Variants in PRKCZ observed in about 807,000 individuals in gnomAD.
The protein encoded by PRKCZ is protein kinase C zeta type.
In PRKCZ, 33 loss-of-function variants were observed where a neutral mutation model predicts 79.5. That is an observed-to-expected ratio of 0.41 (90% CI 0.31 to 0.55). The LOEUF (loss-of-function observed/expected upper bound fraction) is 0.55, where lower values mean the gene tolerates loss of function less well. Among genes scored for constraint, PRKCZ ranks in the 20% least tolerant of loss-of-function variants. The pLI is 0.19. For missense variants in PRKCZ, 578 were observed against 813.5 expected (o/e 0.71, Z 3.52); for synonymous variants, 342 against 320.9 (o/e 1.07, Z -0.70).
rs1676561295 is a variant in PRKCZ, at chr1:2,137,982, T to C, written c.420+2635T>C. On this transcript the variant is annotated intron_variant, in intron 5 of 17. Transcript: ENST00000378567. ...CTCAGGGAGGGCGGCTGCCCTGCAG[T>C]TCAGCCTGTCCGATTCCCGCCTAAT... Among the ~76,000 whole-genome samples, 4 of 152,180 alleles carry C rather than the reference T, an allele frequency of 2.6e-5. No individual in the cohort carries two copies. In the South Asian group the frequency reaches 8.3e-4, roughly 31 times the overall value.
intron 4 of PRKCZ, among the ~76,000 whole-genome samples, chr1:2,116,774 C>A (rs114722764): frequency 2.0e-5 from 3 of 152,136 alleles, no homozygotes; most frequent in African/African-American, 7.2e-5. Flanking sequence ...TTTACATTTC[C>A]ATACACATGG....
intron 4 of PRKCZ, among the ~76,000 whole-genome samples, chr1:2,106,265 G>C (rs2102642433): frequency 6.6e-6 from 1 of 152,384 alleles, no homozygotes; most frequent in African/African-American, 2.4e-5. Flanking sequence ...GAACTGAGCG[G>C]CTTGGTACTT....
rs190953177 is a variant in PRKCZ, at chr1:2,114,016, G to A, written c.335-21246G>A. Among the ~76,000 whole-genome samples the A allele has an allele frequency of 3.4e-4, 52 of 152,262 alleles. 1 individual carries two copies. The highest frequency in any genetic ancestry group is 6.8e-3 in the Middle Eastern group (2 of 294). On this transcript the variant is annotated intron_variant, in intron 4 of 17. Transcript: ENST00000378567. ...GGGCTGGCTCTGGGGGAGGGAGAGC[G>A]GGCGCCATGTTGTGTGTGTGGTGCG...
At chr1:2,153,861 C>T (rs1283172799) in intron 9 of PRKCZ, among the ~76,000 whole-genome samples, 1 of 152,168 alleles carries the variant, frequency 6.6e-6, no homozygotes, top group African/African-American at 2.4e-5. Context: ...TTGTTGAATG[C>T]TTGGATGGTT....
upstream of PRKCZ, among the ~76,000 whole-genome samples, chr1:2,049,029 G>A (rs902057106): frequency 5.9e-5 from 9 of 152,172 alleles, no homozygotes; most frequent in Admixed American, 2.6e-4. Context: ...AGCTGGGCAT[G>A]GTGGTGGACA....
At position 2,128,827 on chromosome 1, in the gene PRKCZ, CTT is replaced by C. The variant is rs543204547; in HGVS notation, c.335-6433_335-6432del. On this transcript the variant is annotated intron_variant, in intron 4 of 17. Coordinates refer to ENST00000378567, the MANE Select transcript of PRKCZ (RefSeq NM_002744.6). The surrounding 1 kb of genome is among the most constrained non-coding windows in gnomAD (Gnocchi z 6.5). ...GGACCTCCTGCTAACCTGGGCTTGA[CTT>C]TGAGACCCTGTTCCACAGAGGTAGC... Among the ~76,000 whole-genome samples the C allele has an allele frequency of 3.7e-4, 56 of 152,302 alleles. No homozygotes were observed. The highest frequency in any genetic ancestry group is 1.7e-3 in the East Asian group (9 of 5,180).
chr1:2,061,958 G>A (rs935508213), intron 4 of PRKCZ, among the ~76,000 whole-genome samples: 1 of 152,180 alleles, frequency 6.6e-6, no homozygotes, highest in Non-Finnish European at 1.5e-5. Flanking sequence ...AGGCAGCACT[G>A]CCCAGGCTGA....
chr1:2,180,614 C>T (rs1256738564), intron 16 of PRKCZ, among the ~76,000 whole-genome samples: 1 of 151,864 alleles, frequency 6.6e-6, no homozygotes, highest in Admixed American at 6.6e-5. Context: ...ACGGATGACT[C>T]AGATCCCCAG....
chr1:2,100,323 C>T (rs569990152), intron 4 of PRKCZ, among the ~76,000 whole-genome samples: 5 of 152,244 alleles, frequency 3.3e-5, no homozygotes, highest in South Asian at 2.1e-4. Flanking sequence ...GCGTCTTCAC[C>T]GCCTGGCTAA....
At chr1:2,049,938 G>A (rs540679259), upstream of PRKCZ, 1 of 152,478 alleles carries the variant, frequency 6.6e-6, no homozygotes, top group African/African-American at 2.4e-5. Flanking sequence ...GGGGCCCAGA[G>A]AACCCGAGTC....
At chr1:2,164,149 TATTC>T (rs1682876540) in intron 10 of PRKCZ, among the ~76,000 whole-genome samples, 1 of 152,218 alleles carries the variant, frequency 6.6e-6, no homozygotes. Flanking sequence ...TTTTGGTTGA[TATTC>T]ATATTGTTTT....
Position 2,178,606 on chromosome 1 carries a change from C to T in PRKCZ, c.1575+3293C>T, listed in dbSNP as rs1164970450. Reference sequence around the variant, plus strand: ...CGTGCTCAGGGCGCAGTTGCAGGTCCGGTGGTCTCAGTCTAGCCTTTCAGG... The same window carrying T: ...CGTGCTCAGGGCGCAGTTGCAGGTCTGGTGGTCTCAGTCTAGCCTTTCAGG... On this transcript the variant is annotated intron_variant, in intron 16 of 17. Transcript: ENST00000378567. The surrounding 1 kb of genome is among the most constrained non-coding windows in gnomAD (Gnocchi z 4.3). Among the ~76,000 whole-genome samples, 4 of 152,164 alleles carry T rather than the reference C, an allele frequency of 2.6e-5. No homozygotes were observed. Among genetic ancestry groups the T allele is most frequent in the Non-Finnish European group, 5.9e-5 (4 of 68,018 alleles).
intron 4 of PRKCZ, among the ~76,000 whole-genome samples, chr1:2,119,267 T>G (rs1396963363): frequency 6.8e-6 from 1 of 146,300 alleles, no homozygotes; most frequent in African/African-American, 2.5e-5. Context: ...CAGGCTAGAG[T>G]GCAAGGGCGC....
In PRKCZ at chr1:2,110,292, G is replaced by A. The variant is rs550902897; in HGVS notation, c.335-24970G>A. 2.6e-5 allele frequency among the ~76,000 whole-genome samples: 4 copies of A among 152,326 alleles called. No homozygotes were observed. In the East Asian group the frequency reaches 7.7e-4, roughly 29 times the overall value. On this transcript the variant is annotated intron_variant, in intron 4 of 17. Transcript: ENST00000378567. ...GGATCCCAGAGGTGAGAAACAGAACGGCCAGGGCTGAATCTGCCTCCAGCG... is the reference window on the plus strand; with the variant it reads ...GGATCCCAGAGGTGAGAAACAGAACAGCCAGGGCTGAATCTGCCTCCAGCG...
intron 4 of PRKCZ, among the ~76,000 whole-genome samples, chr1:2,097,709 C>T (rs1666763894): frequency 1.3e-5 from 2 of 152,146 alleles, no homozygotes; most frequent in African/African-American, 4.8e-5. Flanking sequence ...GCCAGGGGGG[C>T]CCAGGCTCCT....
At chr1:2,166,699 G>A (rs1166651403) in intron 10 of PRKCZ, among the ~76,000 whole-genome samples, 3 of 152,084 alleles carry the variant, frequency 2.0e-5, no homozygotes, top group South Asian at 2.1e-4. Flanking sequence ...ACGACATGGC[G>A]AGTGTGGCTA....
At chr1:2,069,412 T>C (rs1460780125) in intron 4 of PRKCZ, among the ~76,000 whole-genome samples, 2 of 152,194 alleles carry the variant, frequency 1.3e-5, no homozygotes, top group African/African-American at 2.4e-5. Flanking sequence ...AGAAAGTTCC[T>C]GGGGCTCCAC....
intron 4 of PRKCZ, among the ~76,000 whole-genome samples, chr1:2,060,791 A>G (rs2102244999): frequency 6.6e-6 from 1 of 152,262 alleles, no homozygotes; most frequent in Middle Eastern, 3.4e-3. Flanking sequence ...TGGTTTTGGC[A>G]GCGCAGGGCG....
rs545152390 is a variant in PRKCZ at position 2,080,169 on chromosome 1, G to GT, written c.334+20584dup. Among the ~76,000 whole-genome samples the GT allele has an allele frequency of 1.6e-4, 24 of 152,288 alleles. 3 individuals are homozygous for GT. The South Asian group carries it at 4.8e-3, about 30-fold the overall frequency. ...CCTGTCCTCCTCTTTGCTGTTACGG[G>GT]TTTTTTGGAGTTTTTCTTCCTTTGG... On this transcript the variant is annotated intron_variant, in intron 4 of 17. Coordinates refer to ENST00000378567, the MANE Select transcript of PRKCZ (RefSeq NM_002744.6).
Sources: gnomAD v4.1 joint callset for allele counts (sites outside exome capture counted in the v4.1 genomes callset) on GRCh38, gnomAD v4.1.1 for gene constraint, Gnocchi (gnomAD v3.1) non-coding constraint, MANE v1.5 for transcripts, NCBI Gene and HGNC (gene_info 2026-07-23, HGNC 2026-07-21) for gene names.